The following STAT4 variants were observed in gnomAD, a reference collection of about 807,000 sequenced individuals.
The protein encoded by STAT4 is signal transducer and activator of transcription 4.
A neutral mutation model predicts 110.5 loss-of-function variants in STAT4; 42 were observed. The ratio of observed to expected loss-of-function variants is 0.38; its 90% CI spans 0.30 to 0.49. The LOEUF (loss-of-function observed/expected upper bound fraction) is 0.49. Ranked by LOEUF, STAT4 falls within the 20% of genes least tolerant of loss-of-function variation. The pLI, the probability that STAT4 is intolerant of heterozygous loss-of-function variation, is 0.95. For synonymous variants in STAT4, 284 were observed against 302.2 expected (o/e 0.94, Z 0.63); for missense variants, 632 against 887.9 (o/e 0.71, Z 3.66).
chr2:191,148,230 G>T, intron 1 of STAT4, 26 bp from the exon 2 acceptor site: 2 of 1,609,048 alleles, frequency 1.2e-6, no homozygotes. Context: ...TAGAATTAGA[G>T]TTTTAAAATA....
At position 191,150,890 on chromosome 2, in the gene STAT4, A is replaced by G. The variant is rs1305659300; in HGVS notation, c.-2+57T>C. 1 of 980,244 alleles carries G rather than the reference A, an allele frequency of 1.0e-6. No homozygotes were observed. The highest frequency in any genetic ancestry group is 1.1e-4 in the East Asian group (1 of 8,778). 60.7% of individuals were successfully genotyped at this position (980,244 alleles called of 1,614,324 possible). A position where few individuals can be genotyped will look rare whatever the true frequency, so the allele number is the denominator to read the frequency against. ...AAAGCAAAGCTTCAGAGTATCCTGC[A>G]TAATAAGCATGTCCTCCTTACAAGA... On this transcript the variant is annotated intron_variant, in intron 1 of 23. Transcript: ENST00000392320. The surrounding 1 kb of genome is among the most constrained non-coding windows in gnomAD (Gnocchi z 6.4).
At chr2:191,124,313 G>A (rs972476608) in intron 3 of STAT4, among the ~76,000 whole-genome samples, 85 of 151,884 alleles carry the variant, frequency 5.6e-4, no homozygotes, top group African/African-American at 1.7e-3. Context: ...AAATTAGCTG[G>A]GGGTGCTGGT....
At chr2:191,128,085 C>T (rs924329698) in intron 3 of STAT4, among the ~76,000 whole-genome samples, 1 of 152,200 alleles carries the variant, frequency 6.6e-6, no homozygotes, top group Non-Finnish European at 1.5e-5. Flanking sequence ...CACATTTCGT[C>T]TTAAACAGCA....
intron 5 of STAT4, among the ~76,000 whole-genome samples, chr2:191,071,818 A>G (rs1048595308): frequency 2.6e-5 from 4 of 152,188 alleles, no homozygotes; most frequent in African/African-American, 4.8e-5. Flanking sequence ...GATTTGTTGA[A>G]GGAGTCCTCT....
intron 3 of STAT4, among the ~76,000 whole-genome samples, chr2:191,118,964 C>G (rs891230189): frequency 1.3e-5 from 2 of 152,106 alleles, no homozygotes; most frequent in Admixed American, 1.3e-4. Context: ...TGAGGTATCA[C>G]TATGTTGCCC....
chr2:191,054,361 C>G, intron 14 of STAT4, 129 bp downstream of exon 14: 1 of 761,356 alleles, frequency 1.3e-6, no homozygotes. Context: ...AATTATCAAG[C>G]TTTACATCTA....
chr2:191,034,698 T>A, intron 17 of STAT4, 101 bp from the exon 18 acceptor site: 2 of 843,380 alleles, frequency 2.4e-6, no homozygotes, highest in Non-Finnish European at 4.1e-6. Context: ...AAGCATTTCT[T>A]AAGCACTTGA....
At position 191,091,617 on chromosome 2, in the gene STAT4, T is replaced by C. The variant is rs1052860862; in HGVS notation, c.274-15292A>G. On this transcript the variant is annotated intron_variant, in intron 3 of 23. Coordinates refer to ENST00000392320, the MANE Select transcript of STAT4 (RefSeq NM_003151.4). This position sits in a 1 kb window ranked among gnomAD's most constrained non-coding sequence, Gnocchi z 5.4. ...AAGTTCATATGTGACAGAAAATGTC[T>C]GACAACAGCTATGATAGTCACAAAG... Among the ~76,000 whole-genome samples the C allele has an allele frequency of 6.6e-5, 10 of 152,176 alleles. No individual in the cohort carries two copies. The highest frequency in any genetic ancestry group is 2.4e-4 in the African/African-American group (10 of 41,448).
chr2:191,029,984 C>T lies in STAT4; in HGVS notation c.2221-118G>A. 2.5e-6 allele frequency: 2 copies of T among 798,708 alleles called. No homozygotes were observed. The highest frequency in any genetic ancestry group is 3.3e-5 in the South Asian group (2 of 59,906). The allele number at this position is 798,708 out of a possible 1,614,324, so 49.5% of individuals were successfully genotyped here. On this transcript the variant is annotated intron_variant, in intron 23 of 23. Transcript: ENST00000392320. The surrounding 1 kb of genome is among the most constrained non-coding windows in gnomAD (Gnocchi z 4.5). ...AATTACTCCATAATTTTTCTATTAC[C>T]TAGTTAAAATACTTAAACTAAGTAT...
chr2:191,089,227 A>G (rs1019682374), intron 3 of STAT4, among the ~76,000 whole-genome samples: 1 of 152,202 alleles, frequency 6.6e-6, no homozygotes, highest in Admixed American at 6.5e-5. Context: ...AAACAAACTC[A>G]ATTTAAAAAT....
chr2:191,035,208 C>G lies in STAT4; in HGVS notation c.1571-611G>C, dbSNP rs762559323. ...AGGTCTGAAAGGATATGGTTTCTATCTATACTACATGTTTAAAAGCTTTAG... is the reference window on the plus strand; with the variant it reads ...AGGTCTGAAAGGATATGGTTTCTATGTATACTACATGTTTAAAAGCTTTAG... On this transcript the variant is annotated intron_variant, in intron 17 of 23. Coordinates refer to ENST00000392320, the MANE Select transcript of STAT4 (RefSeq NM_003151.4). The surrounding 1 kb of genome is among the most constrained non-coding windows in gnomAD (Gnocchi z 4.7). Among the ~76,000 whole-genome samples the G allele has an allele frequency of 3.0e-4, 45 of 152,160 alleles. No individual in the cohort carries two copies. Among genetic ancestry groups the G allele is most frequent in the Non-Finnish European group, 5.6e-4 (38 of 68,020 alleles).
Position 191,062,872 on chromosome 2 carries a change from C to G in STAT4, c.831G>C (p.Glu277Asp). Residue 277 changes from glutamate to aspartate, a missense_variant, in exon 9 of 24, where the codon GAG becomes GAC. Glu to Asp is a conservative substitution (Grantham distance 45). Around this residue, in one of 4 missense-constraint regions of STAT4, gnomAD observed 488 missense variants for 632.8 expected, o/e 0.77. Coordinates refer to ENST00000392320, the MANE Select transcript of STAT4 (RefSeq NM_003151.4). This position sits in a 1 kb window ranked among gnomAD's most constrained non-coding sequence, Gnocchi z 4.9. ...TTTTGGTAGATTGCTCCTCTAGTTT[C>G]TCCAATTGCCTTCTCAGTTGGAAAA... ...ESLFQLRRQL[E>D]KLEEQSTKMT... The G allele has an allele frequency of 6.2e-7, 1 of 1,613,892 alleles. No individual in the cohort carries two copies. The highest frequency in any genetic ancestry group is 8.5e-7 in the Non-Finnish European group (1 of 1,179,888).
At chr2:191,072,683 G>A (rs1261375706) in intron 5 of STAT4, among the ~76,000 whole-genome samples, 1 of 151,980 alleles carries the variant, frequency 6.6e-6, no homozygotes, top group African/African-American at 2.4e-5. Flanking sequence ...TAAATCTCTA[G>A]ATAGACTGAT....
chr2:191,104,379 TAGG>T lies in STAT4; in HGVS notation c.274-28057_274-28055del, dbSNP rs1176993027. Reference sequence around the variant, plus strand: ...TTAGTTCTCACTAACATTTATTTTCTAGGAGAAGATGAGGTAATATTGTAGATA... The same window carrying T: ...TTAGTTCTCACTAACATTTATTTTCTAGAAGATGAGGTAATATTGTAGATA... On this transcript the variant is annotated intron_variant, in intron 3 of 23. Transcript: ENST00000392320. This position sits in a 1 kb window ranked among gnomAD's most constrained non-coding sequence, Gnocchi z 4.3. Among the ~76,000 whole-genome samples the T allele has an allele frequency of 1.3e-5, 2 of 152,168 alleles. No individual in the cohort carries two copies. The highest frequency in any genetic ancestry group is 1.9e-4 in the East Asian group (1 of 5,204).
chr2:191,109,794 A>T (rs1250752985), intron 3 of STAT4, among the ~76,000 whole-genome samples: 1 of 152,042 alleles, frequency 6.6e-6, no homozygotes, highest in Non-Finnish European at 1.5e-5. Context: ...TTATGTGATC[A>T]TTTTTTAACT....
rs896113478 is a variant in STAT4 at position 191,143,234 on chromosome 2, C to A, written c.273+3379G>T. Reference sequence around the variant, plus strand: ...GGGGCAGATATTTATTTTTAGCAAACCTTTAGCAAAAGACTATGGTTCTTG... The same window carrying A: ...GGGGCAGATATTTATTTTTAGCAAAACTTTAGCAAAAGACTATGGTTCTTG... On this transcript the variant is annotated intron_variant, in intron 3 of 23. Transcript: ENST00000392320. The surrounding 1 kb of genome is among the most constrained non-coding windows in gnomAD (Gnocchi z 5.6). Among the ~76,000 whole-genome samples the A allele has an allele frequency of 6.6e-6, 1 of 152,146 alleles. No homozygotes were observed. Among genetic ancestry groups the A allele is most frequent in the Non-Finnish European group, 1.5e-5 (1 of 68,022 alleles).
rs1313813368 is a variant in STAT4, at chr2:191,144,618, G to A, written c.273+1995C>T. Among the ~76,000 whole-genome samples the A allele has an allele frequency of 6.7e-6, 1 of 150,066 alleles. No individual in the cohort carries two copies. The highest frequency in any genetic ancestry group is 2.4e-5 in the African/African-American group (1 of 41,392). On this transcript the variant is annotated intron_variant, in intron 3 of 23. Coordinates refer to ENST00000392320, the MANE Select transcript of STAT4 (RefSeq NM_003151.4). This position sits in a 1 kb window ranked among gnomAD's most constrained non-coding sequence, Gnocchi z 4.7. ...GGTAACTGCAGGTTTTTGAGCAGTG[G>A]CGTAGTGAAATAGAAGTGATGGTTT...
intron 1 of STAT4, among the ~76,000 whole-genome samples, chr2:191,149,382 A>G (rs1053374202): frequency 1.3e-5 from 2 of 152,200 alleles, no homozygotes; most frequent in Non-Finnish European, 2.9e-5. Flanking sequence ...TGTTTTGCTA[A>G]AGAGAAAGCA....
In STAT4 at chr2:191,076,289, C is replaced by A. The variant is rs756625612; in HGVS notation, c.310G>T (p.Val104Phe). ...FHGNPMHVAV[V>F]ISNCLREERR... ...TCTTCCCTTAAACAGTTTGAAATAA[C>A]CACAGCTACATGCATTGGATTTCCA... The change falls in exon 4 of 24, where the codon GTT becomes TTT. Residue 104 changes from valine (V) to phenylalanine (F), a missense_variant. Coordinates refer to ENST00000392320, the MANE Select transcript of STAT4 (RefSeq NM_003151.4). 6.2e-7 allele frequency: 1 copy of A among 1,613,272 alleles called. No individual in the cohort carries two copies. The highest frequency in any genetic ancestry group is 8.5e-7 in the Non-Finnish European group (1 of 1,179,626).
Sources: allele counts gnomAD v4.1 joint callset (sites outside exome capture counted in the v4.1 genomes callset), GRCh38; gene constraint gnomAD v4.1.1; regional missense constraint gnomAD v4.1.1; non-coding constraint Gnocchi (gnomAD v3.1); transcripts MANE v1.5; gene names NCBI Gene and HGNC (gene_info 2026-07-23, HGNC 2026-07-21).